Variants in AMER1 observed in about 807,000 individuals in gnomAD.
The protein encoded by AMER1 is APC membrane recruitment protein 1.
A neutral mutation model predicts 53.0 loss-of-function variants in AMER1; 16 were observed. That is an observed-to-expected ratio of 0.30 (90% CI 0.20 to 0.46). AMER1 has a LOEUF of 0.46. AMER1 is among the 20% of genes least tolerant of loss of function. The probability of loss-of-function intolerance (pLI) is 1.00; values close to 1 mark genes in which losing one functional copy is unlikely to be tolerated. For missense variants in AMER1, 947 were observed against 884.9 expected (o/e 1.07, Z -0.89); for synonymous variants, 354 against 331.9 (o/e 1.07, Z -0.73).
chrX:64,194,711 C>A lies in AMER1; in HGVS notation c.-98-1327G>T, dbSNP rs761721248. On this transcript the variant is annotated intron_variant, in intron 1 of 1. Coordinates refer to ENST00000374869, the MANE Select transcript of AMER1 (RefSeq NM_152424.4). ...GCAAGCACCCTTGGTCCAAGAACAG[C>A]TGGACAGTACACCAGGCCTGTGATT... is the stretch of plus-strand genomic sequence containing the variant. Among the ~76,000 whole-genome samples the A allele has an allele frequency of 1.3e-3, 144 of 111,620 alleles. 1 individual carries two copies. Among genetic ancestry groups the A allele is most frequent in the African/African-American group, 4.6e-3 (141 of 30,664 alleles).
intron 1 of AMER1, among the ~76,000 whole-genome samples, chrX:64,202,513 C>CT (rs1307972953): frequency 8.9e-6 from 1 of 111,897 alleles, no homozygotes; most frequent in African/African-American, 3.3e-5. Flanking sequence ...GGATTCTCAT[C>CT]TGTAAGCATA....
In AMER1 at chrX:64,192,628, G is replaced by A. The variant is rs202069335; in HGVS notation, c.659C>T (p.Thr220Ile). ...SAPQVPCFEE[T>I]FQAPRKENAN... ...ATTTTCCTTTCTAGGGGCTTGGAAG[G>A]TCTCCTCAAAGCAGGGCACCTGAGG... Residue 220 changes from threonine to isoleucine, a missense_variant, in exon 2 of 2, where the codon ACC becomes ATC. Coordinates refer to ENST00000374869, the MANE Select transcript of AMER1 (RefSeq NM_152424.4). 1 of 1,171,725 alleles carries A rather than the reference G, an allele frequency of 8.5e-7. No homozygotes were observed. The highest frequency in any genetic ancestry group is 1.1e-6 in the Non-Finnish European group (1 of 879,589).
In AMER1 at chrX:64,190,726, T is replaced by C. The variant is rs2147085800; in HGVS notation, c.2561A>G (p.Tyr854Cys). The change falls in exon 2 of 2, where the codon TAC (tyrosine) becomes TGC (cysteine). Residue 854 changes from tyrosine (Y) to cysteine (C), a missense_variant. Coordinates refer to ENST00000374869, the MANE Select transcript of AMER1 (RefSeq NM_152424.4). ...GYYHKHAFNN[Y>C]HSRFYQGLPW... ...CAGGCCTTGGTAGAATCGACTATGG[T>C]AGTTGTTGAAGGCATGTTTGTGATA... 1 of 1,206,963 alleles carries C rather than the reference T, an allele frequency of 8.3e-7. No homozygotes were observed. Among genetic ancestry groups the C allele is most frequent in the Non-Finnish European group, 1.1e-6 (1 of 893,043 alleles).
Position 64,186,222 on chromosome X carries a change from A to G in AMER1, c.*3657T>C, listed in dbSNP as rs368230138. 1.2e-5 allele frequency: 14 copies of G among 1,187,889 alleles called. No homozygotes were observed. The highest frequency in any genetic ancestry group is 1.4e-5 in the Non-Finnish European group (12 of 880,150). On this transcript the variant is annotated 3_prime_UTR_variant, in exon 2 of 2. Coordinates refer to ENST00000374869, the MANE Select transcript of AMER1 (RefSeq NM_152424.4). ...AGGGAACGGACAGTGTGGTACAGCT[A>G]AGGTAGGGAGAGGGGAAAGAGGGAG...
intron 1 of AMER1, among the ~76,000 whole-genome samples, chrX:64,196,944 C>T (rs1198293377): frequency 2.7e-5 from 3 of 112,320 alleles, no homozygotes; most frequent in Non-Finnish European, 3.8e-5. Context: ...CTGCCTTAGG[C>T]CTCTTCTCCA....
In AMER1 at chrX:64,189,262, G is replaced by A; in HGVS notation, c.*617C>T. On this transcript the variant is annotated 3_prime_UTR_variant, in exon 2 of 2. Coordinates refer to ENST00000374869, the MANE Select transcript of AMER1 (RefSeq NM_152424.4). The stretch of plus-strand genomic sequence containing the variant: ...GATATAATGATGGCAGCTATGCCAG[G>A]CCAAAAGGAATAGGGGTGGGGAGGA... 1.3e-6 allele frequency: 1 copy of A among 794,850 alleles called. No individual in the cohort carries two copies. Among genetic ancestry groups the A allele is most frequent in the East Asian group, 7.5e-5 (1 of 13,263 alleles). The allele number at this position is 794,850 out of a possible 1,213,427, so 65.5% of individuals were successfully genotyped here.
chrX:64,189,221 T>G lies in AMER1; in HGVS notation c.*658A>C. The G allele has an allele frequency of 2.5e-6, 2 of 797,831 alleles. No homozygotes were observed. The allele number at this position is 797,831 out of a possible 1,213,427, so 65.8% of individuals were successfully genotyped here. ...TCTAAGGACAGCTAGCTGGGATGAA[T>G]AGCTTATAGTCATCTGATATAATGA... On this transcript the variant is annotated 3_prime_UTR_variant, in exon 2 of 2. Coordinates refer to ENST00000374869, the MANE Select transcript of AMER1 (RefSeq NM_152424.4).
In AMER1 at chrX:64,194,190, T is replaced by A. The variant is rs892937256; in HGVS notation, c.-98-806A>T. 4.5e-5 allele frequency among the ~76,000 whole-genome samples: 5 copies of A among 111,605 alleles called. 1 individual carries two copies. Among genetic ancestry groups the A allele is most frequent in the Admixed American group, 9.5e-5 (1 of 10,562 alleles). On this transcript the variant is annotated intron_variant, in intron 1 of 1. Coordinates refer to ENST00000374869, the MANE Select transcript of AMER1 (RefSeq NM_152424.4). ...TCTATTGGCTGTCCTGCTGGGAAGA[T>A]ACTTTAATGCGGTCATCAATGGAAC...
chrX:64,200,647 T>C (rs1175420317), intron 1 of AMER1, among the ~76,000 whole-genome samples: 1 of 111,242 alleles, frequency 9.0e-6, no homozygotes, highest in Non-Finnish European at 1.9e-5. Context: ...AGTTTTCTAA[T>C]GGCTGCTGAG....
At position 64,189,792 on chromosome X, in the gene AMER1, A is replaced by AACCAC; in HGVS notation, c.*86_*87insGTGGT. On this transcript the variant is annotated 3_prime_UTR_variant, in exon 2 of 2. Coordinates refer to ENST00000374869, the MANE Select transcript of AMER1 (RefSeq NM_152424.4). ...CCAAAGGGTTTTCAAGTTAAACAAC[A>AACCAC]ACCCCCACCCCCCCACCCTTCTGCC... The AACCAC allele has an allele frequency of 1.3e-6, 1 of 746,979 alleles. No individual in the cohort carries two copies. The highest frequency in any genetic ancestry group is 1.7e-6 in the Non-Finnish European group (1 of 590,434). The allele number at this position is 746,979 out of a possible 1,213,427, so 61.6% of individuals were successfully genotyped here.
chrX:64,197,799 T>C (rs1930406273), intron 1 of AMER1, among the ~76,000 whole-genome samples: 1 of 112,604 alleles, frequency 8.9e-6, no homozygotes, highest in South Asian at 3.6e-4. Context: ...AGCAAGTTTT[T>C]TCCCATGTTT....
Position 64,189,648 on chromosome X carries a change from G to C in AMER1, c.*231C>G, listed in dbSNP as rs1044013137. 308 of 1,004,202 alleles carry C rather than the reference G, an allele frequency of 3.1e-4. 1 individual carries two copies. The highest frequency in any genetic ancestry group is 1.2e-3 in the Middle Eastern group (3 of 2,464). The allele number at this position is 1,004,202 out of a possible 1,213,427, so 82.8% of individuals were successfully genotyped here. A position where few individuals can be genotyped will look rare whatever the true frequency, so the allele number is the denominator to read the frequency against. On this transcript the variant is annotated 3_prime_UTR_variant, in exon 2 of 2. Coordinates refer to ENST00000374869, the MANE Select transcript of AMER1 (RefSeq NM_152424.4). Reference sequence around the variant, plus strand: ...AGAAGAAACCTCGAAAGCAAAAACTGGAGTGCAGTAGCAGCAGCAGCCTCC... The same window carrying C: ...AGAAGAAACCTCGAAAGCAAAAACTCGAGTGCAGTAGCAGCAGCAGCCTCC...
intron 1 of AMER1, among the ~76,000 whole-genome samples, chrX:64,195,914 C>T (rs188626805): frequency 8.9e-6 from 1 of 112,389 alleles, no homozygotes; most frequent in East Asian, 2.8e-4. Flanking sequence ...AGGAAAACCT[C>T]ACAGCCAAGT....
intron 1 of AMER1, among the ~76,000 whole-genome samples, chrX:64,201,280 G>A (rs753859230): frequency 1.8e-5 from 2 of 111,071 alleles, no homozygotes; most frequent in East Asian, 5.6e-4. Context: ...ACTTACACAC[G>A]CACAGGTTTG....
chrX:64,189,792 A>ATGGGGGGGGCCCCCCCCCCCCC lies in AMER1; in HGVS notation c.*86_*87insGGGGGGGGGGGGGCCCCCCCCA. The ATGGGGGGGGCCCCCCCCCCCCC allele has an allele frequency of 1.3e-6, 1 of 746,979 alleles. No individual in the cohort carries two copies. The highest frequency in any genetic ancestry group is 1.7e-6 in the Non-Finnish European group (1 of 590,434). 61.6% of individuals were successfully genotyped at this position (746,979 alleles called of 1,213,427 possible). On this transcript the variant is annotated 3_prime_UTR_variant, in exon 2 of 2. Coordinates refer to ENST00000374869, the MANE Select transcript of AMER1 (RefSeq NM_152424.4). ...CCAAAGGGTTTTCAAGTTAAACAAC[A>ATGGGGGGGGCCCCCCCCCCCCC]ACCCCCACCCCCCCACCCTTCTGCC...
In AMER1 at chrX:64,186,200, G is replaced by A. The variant is rs1391278829; in HGVS notation, c.*3679C>T. 3 of 1,208,009 alleles carry A rather than the reference G, an allele frequency of 2.5e-6. No homozygotes were observed. Among genetic ancestry groups the A allele is most frequent in the Non-Finnish European group, 3.4e-6 (3 of 893,299 alleles). ...CTGCTGTCCCTATCATGGGGGGAGG[G>A]AACGGACAGTGTGGTACAGCTAAGG... On this transcript the variant is annotated 3_prime_UTR_variant, in exon 2 of 2. Transcript: ENST00000374869.
intron 1 of AMER1, among the ~76,000 whole-genome samples, chrX:64,198,578 G>C (rs1386759017): frequency 8.9e-6 from 1 of 111,954 alleles, no homozygotes; most frequent in East Asian, 2.8e-4. Flanking sequence ...CTGAGCAAGA[G>C]AACTGCAAAG....
intron 1 of AMER1, among the ~76,000 whole-genome samples, chrX:64,196,891 C>G (rs1383487636): frequency 8.9e-6 from 1 of 112,311 alleles, no homozygotes; most frequent in Non-Finnish European, 1.9e-5. Context: ...GGCAGGGTCA[C>G]CCATAGCTGG....
At chrX:64,204,853 C>G (rs1194808458) in intron 1 of AMER1, among the ~76,000 whole-genome samples, 1 of 113,517 alleles carries the variant, frequency 8.8e-6, no homozygotes, top group African/African-American at 3.2e-5. Flanking sequence ...CCAGCCTGCC[C>G]GACCGCGGGG....
Sources: allele counts gnomAD v4.1 joint callset (sites outside exome capture counted in the v4.1 genomes callset), GRCh38; gene constraint gnomAD v4.1.1; transcripts MANE v1.5; gene names NCBI Gene and HGNC (gene_info 2026-07-23, HGNC 2026-07-21).